RABEP2: variants seen among roughly 807,000 people sequenced by gnomAD.
RABEP2 encodes rab GTPase-binding effector protein 2.
Under a neutral mutation model 74.1 loss-of-function variants are expected in RABEP2, and 57 were observed. That is an observed-to-expected ratio of 0.77 (90% CI 0.62 to 0.96). The LOEUF (loss-of-function observed/expected upper bound fraction) is 0.96, where lower values mean the gene tolerates loss of function less well. Ranked by LOEUF, RABEP2 falls within the 40% of genes least tolerant of loss-of-function variation. The probability of loss-of-function intolerance (pLI) is 0.00; values close to 1 mark genes in which losing one functional copy is unlikely to be tolerated. For synonymous variants in RABEP2, 351 were observed against 344.0 expected (o/e 1.02, Z -0.23); for missense variants, 692 against 756.3 (o/e 0.91, Z 1.00).
chr16:28,906,018 C>A lies in RABEP2; in HGVS notation c.1423+1G>T. 2 of 1,606,884 alleles carry A rather than the reference C, an allele frequency of 1.2e-6. No homozygotes were observed. Among genetic ancestry groups the A allele is most frequent in the Non-Finnish European group, 1.7e-6 (2 of 1,177,308 alleles). ...CTGGGGGCTTGTGCCCCTCCCCTCA[C>A]CTGTCTCCTCCCGCTGCACCCTCAG... On this transcript the variant is annotated splice_donor_variant, in intron 9 of 12. Coordinates refer to ENST00000358201, the MANE Select transcript of RABEP2 (RefSeq NM_024816.3). LOFTEE classifies it high-confidence loss of function.
In RABEP2 at chr16:28,904,762, G is replaced by T; in HGVS notation, c.*181C>A. The T allele has an allele frequency of 1.5e-6, 1 of 651,296 alleles. No homozygotes were observed. The allele number at this position is 651,296 out of a possible 1,614,324, so 40.3% of individuals were successfully genotyped here. A position where few individuals can be genotyped will look rare whatever the true frequency, so the allele number is the denominator to read the frequency against. ...ACCCAGGTGTGATCCCTGAGAACAG[G>T]AGGCCCAGCCACCCTGGGAGGAGGC... On this transcript the variant is annotated 3_prime_UTR_variant, in exon 13 of 13. Coordinates refer to ENST00000358201, the MANE Select transcript of RABEP2 (RefSeq NM_024816.3).
At chr16:28,922,943 T>G (rs1964485929) in intron 2 of RABEP2, among the ~76,000 whole-genome samples, 1 of 152,110 alleles carries the variant, frequency 6.6e-6, no homozygotes, top group Admixed American at 6.6e-5. Flanking sequence ...TTCCAACCTT[T>G]GGCTGTTTTC....
chr16:28,915,630 C>T lies in RABEP2; in HGVS notation c.433-848G>A, dbSNP rs538479215. Among the ~76,000 whole-genome samples the T allele has an allele frequency of 1.8e-4, 27 of 152,122 alleles. No homozygotes were observed. The East Asian group carries it at 3.7e-3, about 21-fold the overall frequency. ...CATAATCTCGGCTCACTGCAACCTC[C>T]GCCTCCTGGGTTCAAGCGATTCTCC... is the stretch of plus-strand genomic sequence containing the variant. On this transcript the variant is annotated intron_variant, in intron 3 of 12. Coordinates refer to ENST00000358201, the MANE Select transcript of RABEP2 (RefSeq NM_024816.3).
chr16:28,913,914 G>T (rs1412096903), intron 5 of RABEP2, among the ~76,000 whole-genome samples: 2 of 151,038 alleles, frequency 1.3e-5, no homozygotes, highest in Non-Finnish European at 2.9e-5. Flanking sequence ...CCAAGTAGCT[G>T]GGACTACAAG....
intron 3 of RABEP2, 148 bp downstream of exon 3, chr16:28,919,638 C>G: frequency 1.1e-6 from 1 of 927,264 alleles, no homozygotes; most frequent in Non-Finnish European, 1.6e-6. Flanking sequence ...GAGCACAGAG[C>G]CAAGCTCTCA....
In RABEP2 at chr16:28,919,704, C is replaced by G. The variant is rs914610934; in HGVS notation, c.432+82G>C. 7 of 1,483,094 alleles carry G rather than the reference C, an allele frequency of 4.7e-6. No individual in the cohort carries two copies. The African/African-American group carries it at 9.7e-5, about 21-fold the overall frequency. The allele number at this position is 1,483,094 out of a possible 1,614,324, so 91.9% of individuals were successfully genotyped here. ...GAATCACTGCTGGGTGCCCCGCACC[C>G]CATGACCAGGGAATGGGACATCCAC... On this transcript the variant is annotated intron_variant, in intron 3 of 12. Coordinates refer to ENST00000358201, the MANE Select transcript of RABEP2 (RefSeq NM_024816.3).
At chr16:28,924,371 G>A (rs1277100888) in intron 2 of RABEP2, 32 bp downstream of exon 2, 1 of 1,577,726 alleles carries the variant, frequency 6.3e-7, no homozygotes, top group Non-Finnish European at 8.7e-7. Flanking sequence ...GTATGGGGTT[G>A]ATGGGGAGTC....
chr16:28,905,325 G>C (rs1964208255), intron 12 of RABEP2, 72 bp downstream of exon 12: 2 of 1,117,270 alleles, frequency 1.8e-6, no homozygotes, highest in Non-Finnish European at 2.7e-6. Context: ...CCAGGGAACT[G>C]TCCTTGCAAG....
intron 1 of RABEP2, 116 bp from the exon 2 acceptor site, chr16:28,924,731 C>A: frequency 1.0e-6 from 1 of 990,020 alleles, no homozygotes; most frequent in Admixed American, 2.0e-5. Context: ...TTCACCTGGG[C>A]CCGCCCGGCT....
intron 2 of RABEP2, among the ~76,000 whole-genome samples, chr16:28,922,893 G>GA (rs200265811): frequency 0.072 from 10,255 of 141,850 alleles, 837 homozygotes; most frequent in African/African-American, 0.2. Flanking sequence ...CACTGTCTCA[G>GA]AAAAAAAAAA....
rs142963367 is a variant in RABEP2 at position 28,913,585 on chromosome 16, G to C, written c.894+651C>G. Reference sequence around the variant, plus strand: ...CAACCTCCGCCTCCCCAGTTCAAGCGATTCTCCTCCCTCAGCCTCCTGAGT... The same window carrying C: ...CAACCTCCGCCTCCCCAGTTCAAGCCATTCTCCTCCCTCAGCCTCCTGAGT... On this transcript the variant is annotated intron_variant, in intron 5 of 12. Coordinates refer to ENST00000358201, the MANE Select transcript of RABEP2 (RefSeq NM_024816.3). Among the ~76,000 whole-genome samples the C allele has an allele frequency of 8.2e-4, 125 of 151,810 alleles. 1 individual carries two copies. The East Asian group carries it at 0.023, about 28-fold the overall frequency.
Position 28,908,701 on chromosome 16 carries a change from G to A in RABEP2, c.1153C>T (p.Gln385Ter), listed in dbSNP as rs185347740. 1.2e-6 allele frequency: 2 copies of A among 1,614,228 alleles called. No homozygotes were observed. The highest frequency in any genetic ancestry group is 3.3e-5 in the Admixed American group (2 of 60,026). ...HEVKRLNEEN[Q>*]GLRAEQLPSS... is the part of the protein sequence containing the mutation. The stretch of plus-strand genomic sequence containing the variant: ...GGCAGCTGCTCGGCCCGGAGCCCTT[G>A]GTTTTCCTCATTCAACCGCTTTACC... Residue 385 changes from glutamine (Q) to a stop codon, truncating the protein, a stop_gained, in exon 8 of 13, where the codon CAA (glutamine) becomes TAA (stop). Coordinates refer to ENST00000358201, the MANE Select transcript of RABEP2 (RefSeq NM_024816.3). LOFTEE classifies it high-confidence loss of function.
chr16:28,919,271 T>C lies in RABEP2; in HGVS notation c.432+515A>G, dbSNP rs1351030986. Among the ~76,000 whole-genome samples, 4 of 152,222 alleles carry C rather than the reference T, an allele frequency of 2.6e-5. 1 individual carries two copies. The highest frequency in any genetic ancestry group is 2.9e-5 in the Non-Finnish European group (2 of 68,036). On this transcript the variant is annotated intron_variant, in intron 3 of 12. Coordinates refer to ENST00000358201, the MANE Select transcript of RABEP2 (RefSeq NM_024816.3). ...CCTGGGTTCAAGTGATCCTCCTGCCTCAACCTCCTGAGTAGCTGGGATTAC... is the reference window on the plus strand; with the variant it reads ...CCTGGGTTCAAGTGATCCTCCTGCCCCAACCTCCTGAGTAGCTGGGATTAC...
In RABEP2 at chr16:28,914,539, C is replaced by A; in HGVS notation, c.591G>T (p.Leu197=). The A allele has an allele frequency of 6.2e-7, 1 of 1,612,120 alleles. No homozygotes were observed. ...APSLHGSTEL[L]PLSRDPSPPL... ...GGGGCGATGGATCCCGGGACAGGGG[C>A]AGCAACTCCGTGGAGCCGTGCAGGG... Residue 197 remains leucine, a synonymous_variant, in exon 5 of 13, where the codon CTG becomes CTT. Coordinates refer to ENST00000358201, the MANE Select transcript of RABEP2 (RefSeq NM_024816.3).
chr16:28,919,121 ACT>A (rs1475641196), intron 3 of RABEP2, among the ~76,000 whole-genome samples: 2 of 152,134 alleles, frequency 1.3e-5, no homozygotes, highest in Admixed American at 6.5e-5. Context: ...GGGGAGGCTG[ACT>A]CTGTCAAGCA....
Position 28,904,687 on chromosome 16 carries a change from C to T in RABEP2, c.*256G>A, listed in dbSNP as rs1179665889. 1 of 656,872 alleles carries T rather than the reference C, an allele frequency of 1.5e-6. No homozygotes were observed. Among genetic ancestry groups the T allele is most frequent in the Non-Finnish European group, 2.5e-6 (1 of 406,000 alleles). The allele number at this position is 656,872 out of a possible 1,614,324, so 40.7% of individuals were successfully genotyped here. ...AGGAGGCAGCACAGCAGCCAGAAAG[C>T]CGCAGGCCTGAGCCTGCACCTTTGG... On this transcript the variant is annotated 3_prime_UTR_variant, in exon 13 of 13. Transcript: ENST00000358201.
chr16:28,914,295 G>A lies in RABEP2; in HGVS notation c.835C>T (p.Leu279=). 1 of 1,612,754 alleles carries A rather than the reference G, an allele frequency of 6.2e-7. No individual in the cohort carries two copies. The highest frequency in any genetic ancestry group is 8.5e-7 in the Non-Finnish European group (1 of 1,179,952). ...TGTLVPEGIY[L]PPPGYQLVPD... is the part of the protein sequence containing the mutation. ...ACGAGCTGGTAGCCAGGAGGGGGCA[G>A]GTAGATGCCCTCGGGAACCAGGGTG... is the stretch of plus-strand genomic sequence containing the variant. The change falls in exon 5 of 13, where the codon CTG becomes TTG. Residue 279 remains leucine (L), a synonymous_variant. Transcript: ENST00000358201.
At position 28,906,012 on chromosome 16, in the gene RABEP2, C is replaced by G; in HGVS notation, c.1423+7G>C. On this transcript the variant is annotated splice_region_variant and intron_variant, in intron 9 of 12. Coordinates refer to ENST00000358201, the MANE Select transcript of RABEP2 (RefSeq NM_024816.3). The stretch of plus-strand genomic sequence containing the variant: ...CCGGGGCTGGGGGCTTGTGCCCCTC[C>G]CCTCACCTGTCTCCTCCCGCTGCAC... The G allele has an allele frequency of 6.2e-7, 1 of 1,607,978 alleles. No individual in the cohort carries two copies. The highest frequency in any genetic ancestry group is 8.5e-7 in the Non-Finnish European group (1 of 1,177,754).
Position 28,922,869 on chromosome 16 carries a change from G to A in RABEP2, c.274+1534C>T, listed in dbSNP as rs542290382. On this transcript the variant is annotated intron_variant, in intron 2 of 12. Transcript: ENST00000358201. Reference sequence around the variant, plus strand: ...AGACTGCACCACTGAACTCCAGTCTGGGTAACAGTGAGACACTGTCTCAGA... The same window carrying A: ...AGACTGCACCACTGAACTCCAGTCTAGGTAACAGTGAGACACTGTCTCAGA... Among the ~76,000 whole-genome samples, 3 of 151,946 alleles carry A rather than the reference G, an allele frequency of 2.0e-5. No individual in the cohort carries two copies. The East Asian group carries it at 5.8e-4, about 30-fold the overall frequency.
Sources: gnomAD v4.1 joint callset for allele counts (sites outside exome capture counted in the v4.1 genomes callset) on GRCh38, gnomAD v4.1.1 for gene constraint, MANE v1.5 for transcripts, NCBI Gene and HGNC (gene_info 2026-07-23, HGNC 2026-07-21) for gene names.